The following PCDH15 variants were observed in gnomAD, a reference collection of about 807,000 sequenced individuals.
PCDH15 encodes the protein protocadherin related 15.
A neutral mutation model predicts 178.5 loss-of-function variants in PCDH15; 129 were observed. That is an observed-to-expected ratio of 0.72 (90% confidence interval 0.63 to 0.84). PCDH15 has a LOEUF of 0.84. Ranked by LOEUF, PCDH15 falls within the 40% of genes least tolerant of loss-of-function variation. The probability of loss-of-function intolerance (pLI) is 0.00; values close to 1 mark genes in which losing one functional copy is unlikely to be tolerated. For synonymous variants in PCDH15, 800 were observed against 732.0 expected (o/e 1.09, Z -1.50); for missense variants, 2,230 against 2,099.9 (o/e 1.06, Z -1.21).
At chr10:55,071,701 T>C (rs1290618002) in intron 2 of PCDH15, among the ~76,000 whole-genome samples, 2 of 151,978 alleles carry the variant, frequency 1.3e-5, no homozygotes, top group South Asian at 2.1e-4. Context: ...GCCAGAAAGT[T>C]AACAAGGATA....
intron 2 of PCDH15, among the ~76,000 whole-genome samples, chr10:55,605,391 T>A (rs1474620514): frequency 6.6e-6 from 1 of 151,078 alleles, no homozygotes; most frequent in East Asian, 1.9e-4. Flanking sequence ...CCCTAACTCA[T>A]TTTATGAGGC....
chr10:53,876,273 C>T (rs1564660719), intron 26 of PCDH15, among the ~76,000 whole-genome samples: 2 of 151,742 alleles, frequency 1.3e-5, no homozygotes, highest in East Asian at 1.9e-4. Context: ...CTGCAACCTC[C>T]GCCTCACGGG....
intron 15 of PCDH15, among the ~76,000 whole-genome samples, chr10:54,101,781 A>G (rs533576372): frequency 9.9e-5 from 15 of 152,254 alleles, no homozygotes; most frequent in Admixed American, 2.0e-4. Context: ...AGCGTGGGCA[A>G]CATGGTGAAA....
chr10:54,420,102 A>AATAG (rs1955029793), intron 3 of PCDH15, among the ~76,000 whole-genome samples: 1 of 152,138 alleles, frequency 6.6e-6, no homozygotes, highest in African/African-American at 2.4e-5. Flanking sequence ...ATTTTTAGCA[A>AATAG]ATAGAAAGTG....
intron 2 of PCDH15, among the ~76,000 whole-genome samples, chr10:54,577,651 T>A (rs1382189915): frequency 6.6e-6 from 1 of 151,998 alleles, no homozygotes; most frequent in Non-Finnish European, 1.5e-5. Flanking sequence ...GCTACAAAAA[T>A]TTCTTATAAT....
At chr10:55,005,835 C>A (rs540123578) in intron 2 of PCDH15, among the ~76,000 whole-genome samples, 20 of 152,038 alleles carry the variant, frequency 1.3e-4, no homozygotes, top group Non-Finnish European at 2.2e-4. Context: ...AGCTTGGTTA[C>A]CCTGAAGCAA....
At chr10:54,588,735 C>A (rs2091676955) in intron 2 of PCDH15, among the ~76,000 whole-genome samples, 1 of 152,042 alleles carries the variant, frequency 6.6e-6, no homozygotes, top group South Asian at 2.1e-4. Flanking sequence ...GTGACCACAC[C>A]CAGCTAATTT....
chr10:54,060,082 T>C (rs758232589), intron 18 of PCDH15, among the ~76,000 whole-genome samples: 1 of 152,244 alleles, frequency 6.6e-6, no homozygotes, highest in Non-Finnish European at 1.5e-5. Flanking sequence ...TTTCATTTCC[T>C]TTAAATTTCT....
chr10:54,082,293 C>T (rs1463222391), intron 16 of PCDH15, among the ~76,000 whole-genome samples: 1 of 152,102 alleles, frequency 6.6e-6, no homozygotes, highest in Non-Finnish European at 1.5e-5. Flanking sequence ...CAGGGGATAG[C>T]CCACAAACAC....
At chr10:54,829,627 C>T (rs2133749620) in intron 3 of PCDH15, among the ~76,000 whole-genome samples, 1 of 152,140 alleles carries the variant, frequency 6.6e-6, no homozygotes, top group South Asian at 2.1e-4. Context: ...ACTCCAAAGG[C>T]ATTGAGTACT....
chr10:54,471,349 C>T (rs969148171), intron 3 of PCDH15, among the ~76,000 whole-genome samples: 2 of 152,022 alleles, frequency 1.3e-5, no homozygotes, highest in Non-Finnish European at 2.9e-5. Flanking sequence ...AAAGCCCAAA[C>T]TTGTGTTTTT....
intron 2 of PCDH15, among the ~76,000 whole-genome samples, chr10:55,403,544 A>G (rs1838125399): frequency 1.3e-5 from 2 of 151,810 alleles, no homozygotes; most frequent in African/African-American, 2.4e-5. Flanking sequence ...GATTTTTTAT[A>G]TGGTGAGAGA....
intron 2 of PCDH15, among the ~76,000 whole-genome samples, chr10:55,053,909 T>C (rs11004706): frequency 0.07 from 10,680 of 152,290 alleles, 574 homozygotes; most frequent in African/African-American, 0.14. Context: ...TGTATTTTAT[T>C]CCCTTAATGG....
At chr10:54,544,399 A>C (rs2085607035) in intron 2 of PCDH15, among the ~76,000 whole-genome samples, 1 of 152,168 alleles carries the variant, frequency 6.6e-6, no homozygotes, top group South Asian at 2.1e-4. Context: ...TGACATTTAG[A>C]AATGAAGTTT....
chr10:54,220,729 G>A lies in PCDH15; in HGVS notation c.986-6681C>T, dbSNP rs918904791. 6.8e-4 allele frequency among the ~76,000 whole-genome samples: 103 copies of A among 151,766 alleles called. 1 individual carries two copies. Among genetic ancestry groups the A allele is most frequent in the African/African-American group, 1.1e-3 (44 of 41,350 alleles). ...AGTCCTAGCTACTCCGGAGGCTGAC[G>A]CAGGAGAATGGAGTGAACCCAGGAG... On this transcript the variant is annotated intron_variant, in intron 9 of 37. Coordinates refer to ENST00000644397, the MANE Select transcript of PCDH15 (RefSeq NM_001384140.1).
rs555941964 is a variant in PCDH15, at chr10:53,821,655, T to G, written c.4368-1425A>C. ...AACAAATTATGCTACTTTGTAGTTT[T>G]TAAAAAGTAAGGTAAATCTATTATA... On this transcript the variant is annotated intron_variant, in intron 32 of 37. Transcript: ENST00000644397. 4 of 1,343,286 alleles carry G rather than the reference T, an allele frequency of 3.0e-6. No homozygotes were observed. The East Asian group carries it at 1.1e-4, about 38-fold the overall frequency. 83.2% of individuals were successfully genotyped at this position (1,343,286 alleles called of 1,614,324 possible). A position where few individuals can be genotyped will look rare whatever the true frequency, so the allele number is the denominator to read the frequency against.
chr10:53,869,679 T>G (rs2079694718), intron 26 of PCDH15, among the ~76,000 whole-genome samples: 1 of 152,086 alleles, frequency 6.6e-6, no homozygotes, highest in South Asian at 2.1e-4. Flanking sequence ...TGGTGACTCA[T>G]GCCTGTAATA....
At position 55,582,628 on chromosome 10, in the gene PCDH15, A is replaced by ATTTTTTTTTTT. The variant is rs1554800566; in HGVS notation, c.-156+44986_-156+44996dup. ...TATATATATATATATATATATATAT[A>ATTTTTTTTTTT]TTTTTTTTTTTTTGCTATATTTGAT... On this transcript the variant is annotated intron_variant, in intron 2 of 5. Coordinates refer to the PCDH15 transcript ENST00000613346. Among the ~76,000 whole-genome samples the ATTTTTTTTTTT allele has an allele frequency of 1.3e-4, 9 of 69,030 alleles. 1 individual carries two copies. In the South Asian group the frequency reaches 1.9e-3, roughly 14 times the overall value. 45.3% of individuals were successfully genotyped at this position (69,030 alleles called of 152,430 possible).
intron 3 of PCDH15, among the ~76,000 whole-genome samples, chr10:54,887,105 G>A (rs144340787): frequency 1.2e-3 from 184 of 152,306 alleles, no homozygotes; most frequent in Non-Finnish European, 2.3e-3. Context: ...TGATTGAAAG[G>A]AAGCAGATAA....
Sources: gnomAD v4.1 joint callset for allele counts (sites outside exome capture counted in the v4.1 genomes callset) on GRCh38, gnomAD v4.1.1 for gene constraint, MANE v1.5 for transcripts, NCBI Gene and HGNC (gene_info 2026-07-23, HGNC 2026-07-21) for gene names.